The following HYDIN variants were observed in gnomAD, a reference collection of about 807,000 sequenced individuals.
HYDIN encodes axonemal central pair apparatus protein HYDIN.
HYDIN carries 132 observed loss-of-function variants against 403.9 expected under a neutral mutation model. The ratio of observed to expected loss-of-function variants is 0.33; its 90% CI spans 0.28 to 0.38. The LOEUF (loss-of-function observed/expected upper bound fraction) is 0.38. Ranked by LOEUF, HYDIN falls within the 10% of genes least tolerant of loss-of-function variation. The probability of loss-of-function intolerance (pLI) is 1.00; values close to 1 mark genes in which losing one functional copy is unlikely to be tolerated. For synonymous variants in HYDIN, 1,202 were observed against 1,891.7 expected (o/e 0.64, Z 9.46); for missense variants, 2,827 against 5,009.5 (o/e 0.56, Z 13.15).
chr16:70,867,129 C>T (rs1218035123), intron 66 of HYDIN, among the ~76,000 whole-genome samples: 2 of 140,704 alleles, frequency 1.4e-5, no homozygotes, highest in African/African-American at 5.3e-5. Context: ...ACAACTCACA[C>T]AAAATATAAG....
intron 47 of HYDIN, 38 bp from the exon 48 acceptor site, chr16:70,908,899 T>C (rs2076612604): frequency 6.2e-7 from 1 of 1,606,394 alleles, no homozygotes; most frequent in South Asian, 1.1e-5. Context: ...AAATATTCAC[T>C]TTTTGTACAC....
At chr16:71,042,247 C>G (rs373565179) in intron 18 of HYDIN, among the ~76,000 whole-genome samples, 1 of 152,160 alleles carries the variant, frequency 6.6e-6, no homozygotes, top group Non-Finnish European at 1.5e-5. Flanking sequence ...AGCAGCAGCC[C>G]TTGGAATCCA....
At chr16:70,881,586 C>T (rs57792561) in intron 60 of HYDIN, among the ~76,000 whole-genome samples, 1 of 133,630 alleles carries the variant, frequency 7.5e-6, no homozygotes, top group Non-Finnish European at 1.5e-5. Context: ...CCAGCCTGGG[C>T]GACAGAGCAA....
intron 23 of HYDIN, among the ~76,000 whole-genome samples, chr16:70,996,138 G>A (rs893183108): frequency 4.0e-5 from 6 of 151,740 alleles, no homozygotes; most frequent in African/African-American, 1.5e-4. Context: ...AGCTCCCCAC[G>A]GGATCAGGCA....
chr16:70,872,551 C>T (rs1233605918), intron 64 of HYDIN, among the ~76,000 whole-genome samples: 1 of 148,256 alleles, frequency 6.7e-6, no homozygotes, highest in Non-Finnish European at 1.5e-5. Context: ...CATCCATCCA[C>T]CATCCACCCT....
rs369401133 is a variant in HYDIN, at chr16:71,044,660, A to C, written c.2530-12743T>G. The stretch of plus-strand genomic sequence containing the variant: ...AGTTTAATCCATCTATTGAGTCTTT[A>C]ATTTCAATCATATTTTTCAGGTCTA... On this transcript the variant is annotated intron_variant, in intron 18 of 85. Transcript: ENST00000393567. Among the ~76,000 whole-genome samples, 274 of 133,600 alleles carry C rather than the reference A, an allele frequency of 2.1e-3. 2 individuals carry two copies. The highest frequency in any genetic ancestry group is 6.8e-3 in the African/African-American group (250 of 36,950). The allele number at this position is 133,600 out of a possible 152,430, so 87.6% of individuals were successfully genotyped here.
intron 1 of HYDIN, among the ~76,000 whole-genome samples, chr16:71,204,980 T>C (rs2088217332): frequency 6.6e-6 from 1 of 152,158 alleles, no homozygotes; most frequent in Non-Finnish European, 1.5e-5. Context: ...TAGTAAATGA[T>C]TACCAGACCA....
At chr16:71,212,632 C>T (rs1294827880) in intron 1 of HYDIN, among the ~76,000 whole-genome samples, 1 of 151,722 alleles carries the variant, frequency 6.6e-6, no homozygotes, top group African/African-American at 2.4e-5. Flanking sequence ...GAAAATAGAT[C>T]AGAAGGATTA....
intron 47 of HYDIN, among the ~76,000 whole-genome samples, chr16:70,910,072 T>C (rs971699533): frequency 2.0e-5 from 3 of 151,894 alleles, no homozygotes; most frequent in Non-Finnish European, 4.4e-5. Context: ...GTTATGTTTC[T>C]TTTTTAATTT....
At chr16:71,003,341 C>G (rs1003455870) in intron 23 of HYDIN, among the ~76,000 whole-genome samples, 4 of 151,946 alleles carry the variant, frequency 2.6e-5, no homozygotes, top group Admixed American at 6.6e-5. Context: ...CCTTTTAAAT[C>G]AATGAAACAA....
At chr16:71,123,846 T>C (rs2084348635) in intron 9 of HYDIN, among the ~76,000 whole-genome samples, 1 of 152,168 alleles carries the variant, frequency 6.6e-6, no homozygotes, top group African/African-American at 2.4e-5. Context: ...CATTCTTTCT[T>C]GTCTGCCACC....
At chr16:71,058,601 T>A (rs1228806529) in intron 18 of HYDIN, among the ~76,000 whole-genome samples, 20 of 106,170 alleles carry the variant, frequency 1.9e-4, no homozygotes, top group Admixed American at 3.8e-4. Flanking sequence ...AATAAAAAAA[T>A]AAATAAATAA....
intron 85 of HYDIN, among the ~76,000 whole-genome samples, chr16:70,809,153 G>A (rs1445895110): frequency 6.6e-6 from 1 of 152,126 alleles, no homozygotes; most frequent in Non-Finnish European, 1.5e-5. Context: ...TGGCTATAGC[G>A]ATCTTCCCAC....
At chr16:70,896,664 T>G (rs11645149) in intron 53 of HYDIN, among the ~76,000 whole-genome samples, 2 of 150,046 alleles carry the variant, frequency 1.3e-5, no homozygotes, top group Non-Finnish European at 1.5e-5. Context: ...CTGTTTTTTT[T>G]TTTTTTTTTT....
intron 1 of HYDIN, among the ~76,000 whole-genome samples, chr16:71,218,776 T>C (rs918812544): frequency 6.6e-6 from 1 of 152,222 alleles, no homozygotes; most frequent in Admixed American, 6.5e-5. Flanking sequence ...TTGCTTTTTA[T>C]TAAATCGTAA....
chr16:71,040,751 A>AG (rs2081261496), intron 18 of HYDIN, among the ~76,000 whole-genome samples: 1 of 118,226 alleles, frequency 8.5e-6, no homozygotes, highest in South Asian at 3.1e-4. Context: ...CATAAGACTT[A>AG]GGGCCCCACT....
chr16:70,995,706 C>T (rs913735898), intron 23 of HYDIN, among the ~76,000 whole-genome samples: 1 of 152,036 alleles, frequency 6.6e-6, no homozygotes, highest in South Asian at 2.1e-4. Flanking sequence ...TTGAAGTCTG[C>T]GCAGTGTAGT....
chr16:71,121,011 T>TGTTCCACA (rs1300542932), intron 9 of HYDIN, among the ~76,000 whole-genome samples: 1 of 148,582 alleles, frequency 6.7e-6, no homozygotes, highest in Non-Finnish European at 1.5e-5. Context: ...TGAGAGCTCA[T>TGTTCCACA]GTTCCACACT....
chr16:71,020,381 A>T (rs1391318322), intron 21 of HYDIN, 64 bp from the exon 22 acceptor site: 150 of 1,557,150 alleles, frequency 9.6e-5, no homozygotes, highest in Non-Finnish European at 1.3e-4. Flanking sequence ...TTTTAGCAAC[A>T]AGTCTCAGGT....
Sources: gnomAD v4.1 joint callset for allele counts (sites outside exome capture counted in the v4.1 genomes callset) on GRCh38, gnomAD v4.1.1 for gene constraint, MANE v1.5 for transcripts, NCBI Gene and HGNC (gene_info 2026-07-23, HGNC 2026-07-21) for gene names.